Variants in RTF2 observed in about 807,000 individuals in gnomAD.
RTF2 encodes replication termination factor 2.
In RTF2, 18 loss-of-function variants were observed where a neutral mutation model predicts 38.0. The observed-to-expected ratio is 0.47, with a 90% confidence interval of 0.33 to 0.70. RTF2 has a LOEUF of 0.70. Among genes scored for constraint, RTF2 ranks in the 30% least tolerant of loss-of-function variants. The pLI, the probability that RTF2 is intolerant of heterozygous loss-of-function variation, is 0.02. For synonymous variants in RTF2, 126 were observed against 137.1 expected (o/e 0.92, Z 0.57); for missense variants, 311 against 379.6 (o/e 0.82, Z 1.50).
intron 5 of RTF2, among the ~76,000 whole-genome samples, chr20:56,485,266 G>T (rs1318528377): frequency 3.4e-4 from 52 of 152,196 alleles, no homozygotes; most frequent in Admixed American, 3.4e-3. Context: ...AGCCTGAGTA[G>T]CAGCCTCTTC....
intron 8 of RTF2, 52 bp from the exon 9 acceptor site, chr20:56,518,035 T>C (rs1468304363): frequency 2.6e-6 from 4 of 1,546,638 alleles, no homozygotes; most frequent in Non-Finnish European, 3.5e-6. Context: ...GATGCGAAGT[T>C]TAGAATCATC....
chr20:56,515,665 G>GAC (rs11474559), intron 6 of RTF2: 19,891 of 145,672 alleles, frequency 0.14, 2,865 homozygotes, highest in East Asian at 0.54. Flanking sequence ...CTCAGACAGA[G>GAC]ACACACACAC....
At chr20:56,483,366 G>A (rs1982622554) in intron 4 of RTF2, among the ~76,000 whole-genome samples, 1 of 149,862 alleles carries the variant, frequency 6.7e-6, no homozygotes, top group South Asian at 2.1e-4. Flanking sequence ...AAAGCGACAA[G>A]CGACAGAATC....
chr20:56,490,792 G>A (rs1047761625), intron 5 of RTF2, among the ~76,000 whole-genome samples: 1 of 152,182 alleles, frequency 6.6e-6, no homozygotes, highest in African/African-American at 2.4e-5. Context: ...ACTCCAGCCT[G>A]GGCAACAAGA....
rs2146319618 is a variant in RTF2 at position 56,477,332 on chromosome 20, T to G, written c.398+208T>G. ...GGACTTCCAGCGAGATCCAGCCTGG[T>G]CTGCGGCCTTCCGTTCTTGAGGTGG... is the stretch of plus-strand genomic sequence containing the variant. On this transcript the variant is annotated intron_variant, in intron 4 of 8. Transcript: ENST00000357348. Among the ~76,000 whole-genome samples the G allele has an allele frequency of 2.0e-5, 3 of 152,244 alleles. No individual in the cohort carries two copies. In the South Asian group the frequency reaches 6.2e-4, roughly 32 times the overall value.
In RTF2 at chr20:56,517,108, G is replaced by T. The variant is rs776074412; in HGVS notation, c.649G>T (p.Ala217Ser). ...SVSKPDVSEE[A>S]PGPSKVKTGK... is the part of the protein sequence containing the mutation. Reference sequence around the variant, plus strand: ...TGCCTACTTTGTTTCTTTTACAGAAGCCCCAGGGCCATCAAAAGTTAAGAC... The same window carrying T: ...TGCCTACTTTGTTTCTTTTACAGAATCCCCAGGGCCATCAAAAGTTAAGAC... Residue 217 changes from alanine to serine, a missense_variant and splice_region_variant, in exon 8 of 9, where the codon GCC (alanine) becomes TCC (serine). Coordinates refer to ENST00000357348, the MANE Select transcript of RTF2 (RefSeq NM_016407.5). The T allele has an allele frequency of 6.2e-7, 1 of 1,614,088 alleles. No individual in the cohort carries two copies. Among genetic ancestry groups the T allele is most frequent in the Non-Finnish European group, 8.5e-7 (1 of 1,179,972 alleles).
intron 5 of RTF2, among the ~76,000 whole-genome samples, chr20:56,494,500 C>T (rs536672623): frequency 6.6e-6 from 1 of 152,276 alleles, no homozygotes; most frequent in South Asian, 2.1e-4. Context: ...TGTGTAATGA[C>T]AGGGAGCCCC....
intron 5 of RTF2, among the ~76,000 whole-genome samples, chr20:56,509,486 G>A (rs966816695): frequency 2.0e-5 from 3 of 151,960 alleles, no homozygotes; most frequent in East Asian, 1.9e-4. Flanking sequence ...GATGGCGGGG[G>A]CCTGTAATCC....
chr20:56,496,883 G>A (rs891673130), intron 5 of RTF2: 1 of 1,551,572 alleles, frequency 6.4e-7, no homozygotes, highest in African/African-American at 1.4e-5. Flanking sequence ...GACTTGTCTT[G>A]GATTTAATGT....
Position 56,503,882 on chromosome 20 carries a change from C to T in RTF2, c.478-9433C>T, listed in dbSNP as rs556806954. ...ACTCTGGAGCCTGAGGCAGGAGAAT[C>T]GCTTGAAATCAGGAGGCAGAGGTTG... On this transcript the variant is annotated intron_variant, in intron 5 of 8. Transcript: ENST00000357348. Among the ~76,000 whole-genome samples the T allele has an allele frequency of 3.3e-5, 5 of 152,254 alleles. 1 individual carries two copies. In the East Asian group the frequency reaches 7.7e-4, roughly 23 times the overall value.
At chr20:56,517,050 A>G in intron 7 of RTF2, 56 bp from the exon 8 acceptor site, 2 of 1,608,606 alleles carry the variant, frequency 1.2e-6, no homozygotes, top group Non-Finnish European at 1.7e-6. Context: ...GTCTGCTAAT[A>G]TGTTCATGCT....
At chr20:56,514,285 G>C (rs1053516848) in intron 6 of RTF2, 4 of 151,646 alleles carry the variant, frequency 2.6e-5, no homozygotes, top group Non-Finnish European at 5.9e-5. Context: ...AGTAAATGTT[G>C]TTCATGTTTA....
At chr20:56,487,318 T>G (rs1291362407) in intron 5 of RTF2, among the ~76,000 whole-genome samples, 1 of 152,196 alleles carries the variant, frequency 6.6e-6, no homozygotes, top group African/African-American at 2.4e-5. Flanking sequence ...TGAAAGCTAG[T>G]AAGCTTTCAA....
chr20:56,474,075 A>C (rs1982110229), intron 2 of RTF2, among the ~76,000 whole-genome samples: 2 of 152,084 alleles, frequency 1.3e-5, no homozygotes, highest in Admixed American at 1.3e-4. Flanking sequence ...TCTGGTTTTA[A>C]TTTTTTTAAA....
At chr20:56,496,803 G>A in intron 5 of RTF2, 4 of 1,551,966 alleles carry the variant, frequency 2.6e-6, no homozygotes, top group Non-Finnish European at 3.5e-6. Context: ...GTTATGGGGT[G>A]GTTTGTCTTT....
At chr20:56,473,482 G>A (rs1196860206) in intron 2 of RTF2, 87 bp downstream of exon 2, 15 of 975,078 alleles carry the variant, frequency 1.5e-5, no homozygotes, top group Admixed American at 9.5e-5. Context: ...TTCATCAAGC[G>A]TGGATTATCC....
intron 4 of RTF2, among the ~76,000 whole-genome samples, chr20:56,481,720 C>T (rs887622501): frequency 6.6e-6 from 1 of 152,166 alleles, no homozygotes; most frequent in African/African-American, 2.4e-5. Flanking sequence ...GCATTTAGTA[C>T]ATTCACAGTG....
At chr20:56,471,207 G>C (rs1981941266) in intron 1 of RTF2, among the ~76,000 whole-genome samples, 1 of 152,150 alleles carries the variant, frequency 6.6e-6, no homozygotes, top group South Asian at 2.1e-4. Flanking sequence ...GTTGGTGTGG[G>C]GAAAATCCCA....
intron 5 of RTF2, among the ~76,000 whole-genome samples, chr20:56,506,896 T>C (rs1984312747): frequency 6.6e-6 from 1 of 152,134 alleles, no homozygotes; most frequent in South Asian, 2.1e-4. Context: ...GAGACGGGGT[T>C]TCACCATGTT....
Sources: gnomAD v4.1 joint callset for allele counts (sites outside exome capture counted in the v4.1 genomes callset) on GRCh38, gnomAD v4.1.1 for gene constraint, MANE v1.5 for transcripts, NCBI Gene and HGNC (gene_info 2026-07-23, HGNC 2026-07-21) for gene names.